Variants in SUGCT observed in about 807,000 individuals in gnomAD.
SUGCT encodes the protein succinyl-CoA:glutarate CoA-transferase.
SUGCT carries 41 observed loss-of-function variants against 55.0 expected under a neutral mutation model. That is an observed-to-expected ratio of 0.74 (90% CI 0.58 to 0.97). The LOEUF (loss-of-function observed/expected upper bound fraction) is 0.97, where lower values mean the gene tolerates loss of function less well. Among genes scored for constraint, SUGCT ranks in the 50% least tolerant of loss-of-function variants. The pLI is 0.00. For missense variants in SUGCT, 568 were observed against 547.8 expected (o/e 1.04, Z -0.37); for synonymous variants, 187 against 200.4 (o/e 0.93, Z 0.56).
intron 9 of SUGCT, among the ~76,000 whole-genome samples, chr7:40,404,334 G>T (rs1239964797): frequency 6.6e-6 from 1 of 152,140 alleles, no homozygotes; most frequent in Non-Finnish European, 1.5e-5. Context: ...GTTAGGCAAG[G>T]CTCCTGACAT....
intron 12 of SUGCT, among the ~76,000 whole-genome samples, chr7:40,723,306 G>C (rs1786446340): frequency 6.6e-6 from 1 of 152,146 alleles, no homozygotes; most frequent in Admixed American, 6.5e-5. Flanking sequence ...CTCAGCAGTT[G>C]ACACGGGTTT....
intron 7 of SUGCT, among the ~76,000 whole-genome samples, chr7:40,254,971 C>G (rs1342955674): frequency 1.3e-5 from 2 of 151,460 alleles, no homozygotes; most frequent in Admixed American, 1.3e-4. Flanking sequence ...GTAATCCCAG[C>G]ACTTTGGGAG....
At chr7:40,815,916 C>T (rs571579532) in intron 13 of SUGCT, among the ~76,000 whole-genome samples, 2 of 151,860 alleles carry the variant, frequency 1.3e-5, no homozygotes, top group East Asian at 3.9e-4. Context: ...TGCGAAACCA[C>T]ACAAGTGGGT....
chr7:40,722,765 T>C (rs1264192848), intron 12 of SUGCT, among the ~76,000 whole-genome samples: 2 of 152,246 alleles, frequency 1.3e-5, no homozygotes, highest in South Asian at 2.1e-4. Context: ...TTGCTACTTC[T>C]GTTGTCTTAT....
intron 8 of SUGCT, among the ~76,000 whole-genome samples, chr7:40,298,014 C>T (rs895335196): frequency 7.9e-5 from 12 of 151,530 alleles, no homozygotes; most frequent in African/African-American, 2.7e-4. Flanking sequence ...TCATGTCCTT[C>T]CTTTCCTTTC....
chr7:40,897,364 A>G, the SUGCT span, among the ~76,000 whole-genome samples: 1 of 152,144 alleles, frequency 6.6e-6, no homozygotes, highest in Admixed American at 6.6e-5. Context: ...TATTTCATTA[A>G]GAAATCATGT....
At chr7:40,978,256 T>C in the SUGCT span, among the ~76,000 whole-genome samples, 1 of 152,174 alleles carries the variant, frequency 6.6e-6, no homozygotes, top group African/African-American at 2.4e-5. Context: ...TCATTTGTCT[T>C]TGCCTCTGGC....
At chr7:40,734,678 A>G (rs1157088453) in intron 12 of SUGCT, among the ~76,000 whole-genome samples, 1 of 152,084 alleles carries the variant, frequency 6.6e-6, no homozygotes, top group Non-Finnish European at 1.5e-5. Context: ...TTTTTGTCCA[A>G]TTGACTATTT....
the SUGCT span, chr7:40,966,770 A>G: frequency 6.6e-6 from 1 of 152,242 alleles, no homozygotes; most frequent in Admixed American, 6.5e-5. Flanking sequence ...AGACCGATAG[A>G]AGCTTCATAC....
At chr7:40,292,943 G>A (rs1046123004) in intron 8 of SUGCT, among the ~76,000 whole-genome samples, 9 of 151,922 alleles carry the variant, frequency 5.9e-5, no homozygotes, top group Admixed American at 3.3e-4. Flanking sequence ...GGTATGTAAC[G>A]TCATGAAAAA....
chr7:40,410,055 A>G (rs1583619302), intron 9 of SUGCT, among the ~76,000 whole-genome samples: 1 of 152,228 alleles, frequency 6.6e-6, no homozygotes, highest in East Asian at 1.9e-4. Flanking sequence ...CCCCTTGTGT[A>G]GCACGAGCGT....
At chr7:40,526,606 C>T (rs1267423177) in intron 12 of SUGCT, among the ~76,000 whole-genome samples, 5 of 152,084 alleles carry the variant, frequency 3.3e-5, no homozygotes, top group African/African-American at 1.2e-4. Context: ...ACGTTGAGAA[C>T]CAGTGGTTTG....
At chr7:40,212,703 T>C (rs913590092) in intron 6 of SUGCT, among the ~76,000 whole-genome samples, 15 of 152,034 alleles carry the variant, frequency 9.9e-5, no homozygotes, top group African/African-American at 2.4e-5. Flanking sequence ...TCCAGCTAAT[T>C]TTTGTATTTT....
chr7:40,637,804 T>C (rs1800087050), intron 12 of SUGCT, among the ~76,000 whole-genome samples: 1 of 152,366 alleles, frequency 6.6e-6, no homozygotes, highest in Middle Eastern at 3.4e-3. Flanking sequence ...TTTGAGATTA[T>C]AATATGGTGA....
At chr7:40,183,591 A>G (rs1248889033) in intron 3 of SUGCT, among the ~76,000 whole-genome samples, 2 of 152,140 alleles carry the variant, frequency 1.3e-5, no homozygotes, top group Non-Finnish European at 2.9e-5. Flanking sequence ...TCAGCCTTTC[A>G]GAATGTTGGA....
At chr7:40,293,886 T>G (rs1793949541) in intron 8 of SUGCT, among the ~76,000 whole-genome samples, 1 of 152,198 alleles carries the variant, frequency 6.6e-6, no homozygotes, top group Non-Finnish European at 1.5e-5. Context: ...ACTTAATGTC[T>G]TTGCTCTACA....
At position 40,710,043 on chromosome 7, in the gene SUGCT, T is replaced by C. The variant is rs188207098; in HGVS notation, c.1090-39391T>C. On this transcript the variant is annotated intron_variant, in intron 12 of 13. Coordinates refer to ENST00000335693, the MANE Select transcript of SUGCT (RefSeq NM_001193313.2). ...CAGCATTGGAAGCAACATAGATCTT[T>C]ACTGAAATTTTCTTGAGGAAAGGAC... Among the ~76,000 whole-genome samples, 10 of 152,304 alleles carry C rather than the reference T, an allele frequency of 6.6e-5. No homozygotes were observed. In the East Asian group the frequency reaches 1.9e-3, roughly 29 times the overall value.
At chr7:40,370,608 G>A (rs910857738) in intron 9 of SUGCT, among the ~76,000 whole-genome samples, 2 of 143,572 alleles carry the variant, frequency 1.4e-5, no homozygotes, top group African/African-American at 2.6e-5. Flanking sequence ...GAGAGAGAGA[G>A]GAGAGAGAGA....
chr7:40,359,608 C>A (rs1405218868), intron 9 of SUGCT, among the ~76,000 whole-genome samples: 1 of 152,088 alleles, frequency 6.6e-6, no homozygotes, highest in Non-Finnish European at 1.5e-5. Context: ...TAGAGAAACA[C>A]CCACCCAAAG....
Sources: allele counts gnomAD v4.1 joint callset (sites outside exome capture counted in the v4.1 genomes callset), GRCh38; gene constraint gnomAD v4.1.1; transcripts MANE v1.5; gene names NCBI Gene and HGNC (gene_info 2026-07-23, HGNC 2026-07-21).